DSCAM: variants seen among roughly 807,000 people sequenced by gnomAD.
The protein encoded by DSCAM is DS cell adhesion molecule.
DSCAM carries 47 observed loss-of-function variants against 217.7 expected under a neutral mutation model. The observed-to-expected ratio is 0.22, with a 90% CI of 0.17 to 0.28. The LOEUF (loss-of-function observed/expected upper bound fraction) is 0.28, where lower values mean the gene tolerates loss of function less well. Ranked by LOEUF, DSCAM falls within the 10% of genes least tolerant of loss-of-function variation. DSCAM has a pLI of 1.00. For synonymous variants in DSCAM, 1,056 were observed against 1,015.3 expected (o/e 1.04, Z -0.76); for missense variants, 2,080 against 2,618.3 (o/e 0.79, Z 4.49).
chr21:40,439,339 C>A (rs1014234653), intron 3 of DSCAM, among the ~76,000 whole-genome samples: 3 of 152,134 alleles, frequency 2.0e-5, no homozygotes, highest in African/African-American at 7.2e-5. Flanking sequence ...TATTCCAGTG[C>A]AGATCAGGCC....
At chr21:40,554,874 G>A (rs183875869) in intron 3 of DSCAM, among the ~76,000 whole-genome samples, 261 of 152,164 alleles carry the variant, frequency 1.7e-3, no homozygotes, top group Non-Finnish European at 3.3e-3. Flanking sequence ...TTGACACATG[G>A]TATTGAAATT....
intron 3 of DSCAM, among the ~76,000 whole-genome samples, chr21:40,656,618 C>CTG (rs2090080053): frequency 6.6e-6 from 1 of 152,172 alleles, no homozygotes; most frequent in Admixed American, 6.5e-5. Context: ...CATCACGCTT[C>CTG]TGTGTCACCG....
At chr21:40,444,001 A>T (rs1289708978) in intron 3 of DSCAM, among the ~76,000 whole-genome samples, 4 of 152,188 alleles carry the variant, frequency 2.6e-5, no homozygotes, top group African/African-American at 4.8e-5. Context: ...TCTTGTGCAA[A>T]ATGGGGATTT....
chr21:40,197,410 G>A (rs2091024125), intron 11 of DSCAM, among the ~76,000 whole-genome samples: 2 of 152,088 alleles, frequency 1.3e-5, no homozygotes, highest in South Asian at 2.1e-4. Flanking sequence ...GAGCCACCGC[G>A]CCCAGCCTCT....
chr21:40,509,272 G>T (rs527316750), intron 3 of DSCAM, among the ~76,000 whole-genome samples: 72 of 152,236 alleles, frequency 4.7e-4, no homozygotes, highest in Non-Finnish European at 9.1e-4. Context: ...AAACAAAGTA[G>T]AATTCAAAAG....
At chr21:40,438,288 A>T (rs1393200563) in intron 3 of DSCAM, among the ~76,000 whole-genome samples, 1 of 152,232 alleles carries the variant, frequency 6.6e-6, no homozygotes, top group Non-Finnish European at 1.5e-5. Context: ...AAAGTAAAAC[A>T]ATTCTAGAAT....
intron 11 of DSCAM, among the ~76,000 whole-genome samples, chr21:40,204,552 A>G (rs1210745901): frequency 6.6e-6 from 1 of 152,196 alleles, no homozygotes; most frequent in Non-Finnish European, 1.5e-5. Context: ...ACCTTGGCCT[A>G]TTTTATAGGT....
intron 3 of DSCAM, among the ~76,000 whole-genome samples, chr21:40,637,121 AT>A (rs869257610): frequency 0.066 from 5,862 of 88,496 alleles, 740 homozygotes; most frequent in Middle Eastern, 0.12. Flanking sequence ...ATATATATAT[AT>A]ATATATAAAT....
intron 3 of DSCAM, among the ~76,000 whole-genome samples, chr21:40,485,067 G>C (rs1443028419): frequency 2.0e-5 from 3 of 151,964 alleles, no homozygotes; most frequent in Non-Finnish European, 2.9e-5. Context: ...AGGAATTGAA[G>C]AACTAGGTTT....
chr21:40,833,799 G>A (rs2092031376), intron 1 of DSCAM, among the ~76,000 whole-genome samples: 2 of 152,122 alleles, frequency 1.3e-5, no homozygotes, highest in Admixed American at 1.3e-4. Flanking sequence ...TGATGTTACG[G>A]TAACTAGACT....
chr21:40,824,709 G>A (rs1184841942), intron 1 of DSCAM, among the ~76,000 whole-genome samples: 2 of 151,786 alleles, frequency 1.3e-5, no homozygotes, highest in African/African-American at 2.4e-5. Context: ...ACCTCGCCCG[G>A]CCCCTATCCC....
chr21:40,384,614 A>T (rs1399800469), intron 3 of DSCAM: 2 of 153,094 alleles, frequency 1.3e-5, no homozygotes, highest in African/African-American at 2.4e-5. Flanking sequence ...TCTCAAAACC[A>T]CAACAACAAC....
chr21:40,516,888 C>CATATATATAT (rs55695954), intron 3 of DSCAM, among the ~76,000 whole-genome samples: 1,451 of 143,436 alleles, frequency 0.01, 25 homozygotes, highest in Admixed American at 0.028. Flanking sequence ...ACACACACAC[C>CATATATATAT]ATATATATAT....
chr21:40,612,704 T>G (rs2089332079), intron 3 of DSCAM, among the ~76,000 whole-genome samples: 1 of 152,196 alleles, frequency 6.6e-6, no homozygotes, highest in Non-Finnish European at 1.5e-5. Context: ...CAAAGGGTTT[T>G]GATAATCCCT....
chr21:40,416,426 G>T (rs538407287), intron 3 of DSCAM, among the ~76,000 whole-genome samples: 26 of 152,302 alleles, frequency 1.7e-4, no homozygotes, highest in African/African-American at 6.0e-4. Flanking sequence ...TAAGTTTTTG[G>T]TGCTTAATGG....
intron 3 of DSCAM, among the ~76,000 whole-genome samples, chr21:40,679,246 T>G (rs7281715): frequency 0.43 from 65,733 of 152,144 alleles, 14,771 homozygotes; most frequent in East Asian, 0.58. Context: ...TGGAAAAGTT[T>G]CTTATTCAAG....
chr21:40,372,443 A>AT (rs2074908280), intron 3 of DSCAM, among the ~76,000 whole-genome samples: 1 of 147,420 alleles, frequency 6.8e-6, no homozygotes, highest in Admixed American at 6.6e-5. Context: ...TCTAAAACAT[A>AT]GTTCATACTT....
intron 8 of DSCAM, among the ~76,000 whole-genome samples, chr21:40,334,461 C>T (rs747082893): frequency 1.4e-4 from 21 of 152,198 alleles, no homozygotes; most frequent in African/African-American, 2.4e-4. Flanking sequence ...CTAGGAAAAC[C>T]GACTGAATAG....
At position 40,654,500 on chromosome 21, in the gene DSCAM, A is replaced by G. The variant is rs1601825027; in HGVS notation, c.508+38310T>C. 2.0e-5 allele frequency among the ~76,000 whole-genome samples: 3 copies of G among 152,196 alleles called. No homozygotes were observed. The East Asian group carries it at 5.8e-4, about 29-fold the overall frequency. ...AAACCTGGTGGCACAAAATAACACA[A>G]ATTTGTTACCTCATGCTTTAGAGAT... On this transcript the variant is annotated intron_variant, in intron 3 of 32. Transcript: ENST00000400454.
Sources: gnomAD v4.1 joint callset for allele counts (sites outside exome capture counted in the v4.1 genomes callset) on GRCh38, gnomAD v4.1.1 for gene constraint, MANE v1.5 for transcripts, NCBI Gene and HGNC (gene_info 2026-07-23, HGNC 2026-07-21) for gene names.